The following ZFHX3 variants were observed in gnomAD, a reference collection of about 807,000 sequenced individuals.
The protein encoded by ZFHX3 is zinc finger homeobox protein 3.
In ZFHX3, 42 loss-of-function variants were observed where a neutral mutation model predicts 279.1. That is an observed-to-expected ratio of 0.15 (90% CI 0.12 to 0.19). ZFHX3 has a LOEUF of 0.19. ZFHX3 is among the 10% of genes least tolerant of loss of function. The pLI is 1.00. For missense variants in ZFHX3, 4,981 were observed against 4,754.0 expected, an observed-to-expected ratio of 1.05 and a Z score of -1.40; for synonymous variants, 2,293 against 1,957.8, an observed-to-expected ratio of 1.17 and a Z score of -4.52.
intron 2 of ZFHX3, among the ~76,000 whole-genome samples, chr16:73,654,714 AATT>A (rs1217635265): frequency 6.6e-6 from 1 of 152,070 alleles, no homozygotes; most frequent in Non-Finnish European, 1.5e-5. Flanking sequence ...GAGAAAACAT[AATT>A]ATTTCAATAA....
chr16:73,648,457 T>C (rs910697210), intron 2 of ZFHX3, among the ~76,000 whole-genome samples: 1 of 152,242 alleles, frequency 6.6e-6, no homozygotes, highest in African/African-American at 2.4e-5. Flanking sequence ...TGGCCCAGTC[T>C]CGGCTCACTG....
intron 9 of ZFHX3, chr16:72,791,280 A>C (rs1289905995): frequency 6.6e-6 from 1 of 152,280 alleles, no homozygotes; most frequent in Non-Finnish European, 1.5e-5. Context: ...TTTAATAAAC[A>C]CAAGTTTGTT....
chr16:73,280,779 C>T (rs765075144), intron 4 of ZFHX3, among the ~76,000 whole-genome samples: 5 of 151,774 alleles, frequency 3.3e-5, no homozygotes, highest in Non-Finnish European at 5.9e-5. Flanking sequence ...GTTGGGAGTT[C>T]AAGACCAACT....
At chr16:72,820,393 G>C (rs1381045544) in intron 5 of ZFHX3, among the ~76,000 whole-genome samples, 1 of 152,164 alleles carries the variant, frequency 6.6e-6, no homozygotes, top group Non-Finnish European at 1.5e-5. Flanking sequence ...TCAATTTCAA[G>C]ACACCTTGCT....
chr16:73,150,933 A>G (rs887563008), intron 5 of ZFHX3, among the ~76,000 whole-genome samples: 3 of 152,244 alleles, frequency 2.0e-5, no homozygotes, highest in African/African-American at 7.2e-5. Context: ...ACATGAATAC[A>G]GTGTTGAAAC....
chr16:73,241,685 G>A (rs1453554240), intron 5 of ZFHX3, among the ~76,000 whole-genome samples: 1 of 151,638 alleles, frequency 6.6e-6, no homozygotes, highest in East Asian at 1.9e-4. Flanking sequence ...AGCTACTTGG[G>A]AGGCTGAGGC....
chr16:73,413,391 T>G (rs2017508217), intron 3 of ZFHX3, among the ~76,000 whole-genome samples: 1 of 151,794 alleles, frequency 6.6e-6, no homozygotes, highest in Non-Finnish European at 1.5e-5. Flanking sequence ...GAAGAGTGAG[T>G]TGGGACTGTG....
chr16:73,767,528 A>G (rs1218502424), intron 1 of ZFHX3, among the ~76,000 whole-genome samples: 1 of 152,220 alleles, frequency 6.6e-6, no homozygotes, highest in East Asian at 1.9e-4. Flanking sequence ...ACACAAAAGA[A>G]GAATTCTTTT....
chr16:73,801,527 AG>A (rs1960146501), intron 1 of ZFHX3, among the ~76,000 whole-genome samples: 1 of 152,244 alleles, frequency 6.6e-6, no homozygotes, highest in African/African-American at 2.4e-5. Context: ...TCAAAAAATC[AG>A]GGCATGTGAA....
chr16:73,036,115 C>T lies in ZFHX3; in HGVS notation c.-50+11637G>A, dbSNP rs139437710. On this transcript the variant is annotated intron_variant, in intron 1 of 9. Coordinates refer to ENST00000268489, the MANE Select transcript of ZFHX3 (RefSeq NM_006885.4). Reference sequence around the variant, plus strand: ...CCATACACACATACCACACAGCACACGCGTGCGCGCGCATAGACAGACTCT... The same window carrying T: ...CCATACACACATACCACACAGCACATGCGTGCGCGCGCATAGACAGACTCT... Among the ~76,000 whole-genome samples the T allele has an allele frequency of 7.9e-5, 12 of 152,332 alleles. No homozygotes were observed. In the East Asian group the frequency reaches 1.9e-3, roughly 25 times the overall value.
intron 4 of ZFHX3, among the ~76,000 whole-genome samples, chr16:73,281,542 A>ACTGTGC (rs1398919458): frequency 6.6e-6 from 1 of 152,174 alleles, no homozygotes; most frequent in Admixed American, 6.5e-5. Flanking sequence ...AGCTAACAAT[A>ACTGTGC]CTGTGCCTGT....
chr16:73,670,760 T>A (rs901499173), intron 2 of ZFHX3, among the ~76,000 whole-genome samples: 1 of 152,204 alleles, frequency 6.6e-6, no homozygotes, highest in Admixed American at 6.5e-5. Flanking sequence ...GACTCTTTTT[T>A]CCTTAAGGAT....
At chr16:73,193,397 T>G (rs114971692) in intron 5 of ZFHX3, among the ~76,000 whole-genome samples, 1,705 of 152,262 alleles carry the variant, frequency 0.011, 30 homozygotes, top group African/African-American at 0.04. Context: ...CAACAGAAAG[T>G]GCTAGTCAAA....
At chr16:73,818,758 G>T (rs755237672) in intron 1 of ZFHX3, among the ~76,000 whole-genome samples, 1 of 152,196 alleles carries the variant, frequency 6.6e-6, no homozygotes, top group Non-Finnish European at 1.5e-5. Context: ...CTGCACTTTG[G>T]ATGTGTTTTC....
chr16:73,859,127 T>C (rs181941940), intron 1 of ZFHX3, among the ~76,000 whole-genome samples: 8 of 152,254 alleles, frequency 5.3e-5, no homozygotes, highest in African/African-American at 1.7e-4. Flanking sequence ...GGAATTAGGA[T>C]CAAAGCTTCC....
At chr16:73,308,910 G>C (rs2015258225) in intron 4 of ZFHX3, among the ~76,000 whole-genome samples, 1 of 151,512 alleles carries the variant, frequency 6.6e-6, no homozygotes, top group African/African-American at 2.4e-5. Flanking sequence ...ATATGATAGG[G>C]ACTACACAAT....
chr16:72,996,025 T>G (rs1415448195), intron 1 of ZFHX3, among the ~76,000 whole-genome samples: 1 of 152,120 alleles, frequency 6.6e-6, no homozygotes, highest in Non-Finnish European at 1.5e-5. Flanking sequence ...CCCAACACTT[T>G]GGGACACCAA....
intron 1 of ZFHX3, among the ~76,000 whole-genome samples, chr16:73,033,001 G>A (rs184770537): frequency 7.9e-5 from 12 of 152,182 alleles, no homozygotes; most frequent in African/African-American, 2.9e-4. Context: ...GGATGGGGAA[G>A]GAAGAAGGTA....
chr16:73,138,595 G>T (rs1966832870), intron 6 of ZFHX3, among the ~76,000 whole-genome samples: 1 of 152,166 alleles, frequency 6.6e-6, no homozygotes, highest in Non-Finnish European at 1.5e-5. Flanking sequence ...ACTCCCCATG[G>T]ATGAGTGGAT....
Sources: gnomAD v4.1 joint callset for allele counts (sites outside exome capture counted in the v4.1 genomes callset) on GRCh38, gnomAD v4.1.1 for gene constraint, MANE v1.5 for transcripts, NCBI Gene and HGNC (gene_info 2026-07-23, HGNC 2026-07-21) for gene names.